The following S100A7 variants were observed in gnomAD, a reference collection of about 807,000 sequenced individuals.
S100A7 encodes protein S100-A7.
In S100A7, 2 loss-of-function variants were observed where a neutral mutation model predicts 3.8. The observed-to-expected ratio is 0.53, with a 90% confidence interval of 0.22 to 1.67. The LOEUF is 1.67. S100A7 is among the 40% of genes most tolerant of loss of function. The pLI, the probability that S100A7 is intolerant of heterozygous loss-of-function variation, is 0.20. For synonymous variants in S100A7, 55 were observed against 45.9 expected (o/e 1.20, Z -0.80); for missense variants, 130 against 126.3 (o/e 1.03, Z -0.14).
chr1:153,459,404 T>G (rs1315613468), intron 1 of S100A7, among the ~76,000 whole-genome samples: 1 of 152,078 alleles, frequency 6.6e-6, no homozygotes, highest in African/African-American at 2.4e-5. Flanking sequence ...ACCAAATCCA[T>G]CTCCTCCAGC....
intron 1 of S100A7, among the ~76,000 whole-genome samples, chr1:153,460,331 A>T (rs1571204307): frequency 6.6e-6 from 1 of 152,204 alleles, no homozygotes; most frequent in East Asian, 1.9e-4. Flanking sequence ...GGAAGAGGAC[A>T]GGGAGGGTCC....
chr1:153,460,407 G>C (rs536303766), intron 1 of S100A7, among the ~76,000 whole-genome samples: 1 of 152,324 alleles, frequency 6.6e-6, no homozygotes, highest in Non-Finnish European at 1.5e-5. Context: ...AGGAGCAATG[G>C]ACAGGTCTGG....
intron 1 of S100A7, 47 bp downstream of exon 1, chr1:153,460,561 A>T: frequency 1.3e-6 from 1 of 753,796 alleles, no homozygotes; most frequent in Non-Finnish European, 2.4e-6. Flanking sequence ...ATGGCAGGCC[A>T]GGCACTGGGC....
intron 1 of S100A7, among the ~76,000 whole-genome samples, chr1:153,459,377 C>A (rs1663768102): frequency 6.6e-6 from 1 of 152,118 alleles, no homozygotes; most frequent in African/African-American, 2.4e-5. Context: ...CATGGCAGAC[C>A]CCACTCTTAA....
At chr1:153,458,429 T>C (rs1299885390) in intron 2 of S100A7, among the ~76,000 whole-genome samples, 1 of 152,220 alleles carries the variant, frequency 6.6e-6, no homozygotes, top group African/African-American at 2.4e-5. Flanking sequence ...CTAGACCCTT[T>C]GGTACCTAGT....
At chr1:153,459,623 A>AG (rs1663778943) in intron 1 of S100A7, among the ~76,000 whole-genome samples, 1 of 152,160 alleles carries the variant, frequency 6.6e-6, no homozygotes, top group Non-Finnish European at 1.5e-5. Context: ...TCCCGAGCAC[A>AG]GGGGGCCCTT....
chr1:153,457,957 G>A lies in S100A7; in HGVS notation c.155C>T (p.Thr52Ile), dbSNP rs767744536. The A allele has an allele frequency of 2.1e-5, 34 of 1,613,896 alleles. No individual in the cohort carries two copies. The highest frequency in any genetic ancestry group is 1.3e-4 in the East Asian group (6 of 44,876). The change falls in exon 3 of 3, where the codon ACA becomes ATA. Residue 52 changes from threonine to isoleucine, a missense_variant. Physicochemically the swap from Thr to Ile is moderately conservative, Grantham distance 89 (BLOSUM62 -1). Transcript: ENST00000368723. ...CTCAAAGACATCGGCGAGGTAATTT[G>A]TGCCCTTTTTGTCCTGTGAAGAGAA... ...NFLSACDKKG[T>I]NYLADVFEKK... is the part of the protein sequence containing the mutation.
chr1:153,459,195 A>T (rs895207666), intron 1 of S100A7, among the ~76,000 whole-genome samples, 165 bp from the exon 2 acceptor site: 4 of 152,172 alleles, frequency 2.6e-5, no homozygotes, highest in Admixed American at 2.6e-4. Flanking sequence ...CAAAAATGAG[A>T]GGGTAGGACC....
chr1:153,459,095 C>T (rs908160819), intron 1 of S100A7, 65 bp from the exon 2 acceptor site: 2 of 1,564,314 alleles, frequency 1.3e-6, no homozygotes, highest in East Asian at 2.2e-5. Flanking sequence ...TTTGGGAGTG[C>T]TGGAAGGAGG....
chr1:153,459,218 T>C (rs187242269), intron 1 of S100A7, among the ~76,000 whole-genome samples, 188 bp from the exon 2 acceptor site: 19 of 152,282 alleles, frequency 1.2e-4, no homozygotes, highest in South Asian at 4.1e-4. Flanking sequence ...GTCTGAGACC[T>C]GGCCCATCCT....
Position 153,457,967 on chromosome 1 carries a change from T to C in S100A7, c.145A>G (p.Lys49Glu). The C allele has an allele frequency of 6.2e-7, 1 of 1,613,784 alleles. No homozygotes were observed. Among genetic ancestry groups the C allele is most frequent in the Non-Finnish European group, 8.5e-7 (1 of 1,179,790 alleles). Residue 49 changes from lysine to glutamate, a missense_variant, in exon 3 of 3, where the codon AAA becomes GAA. Coordinates refer to ENST00000368723, the MANE Select transcript of S100A7 (RefSeq NM_002963.4). ...NFPNFLSACD[K>E]KGTNYLADVF... ...TCGGCGAGGTAATTTGTGCCCTTTT[T>C]GTCCTGTGAAGAGAAAAACATACAA...
chr1:153,460,536 C>T, intron 1 of S100A7, 72 bp downstream of exon 1: 2 of 707,364 alleles, frequency 2.8e-6, no homozygotes. Context: ...AGCCCTTTCC[C>T]TTCCTACAGG....
chr1:153,457,760 A>C lies in S100A7; in HGVS notation c.*46T>G. 1 of 1,581,544 alleles carries C rather than the reference A, an allele frequency of 6.3e-7. No individual in the cohort carries two copies. Among genetic ancestry groups the C allele is most frequent in the Admixed American group, 1.9e-5 (1 of 53,872 alleles). On this transcript the variant is annotated 3_prime_UTR_variant, in exon 3 of 3. Coordinates refer to ENST00000368723, the MANE Select transcript of S100A7 (RefSeq NM_002963.4). Reference sequence around the variant, plus strand: ...AGGCAAGTGTCTGGTGGGAGAAGACATTTTATTGTTCCTGGGGTCTCTGGA... The same window carrying C: ...AGGCAAGTGTCTGGTGGGAGAAGACCTTTTATTGTTCCTGGGGTCTCTGGA...
chr1:153,458,785 A>ATT, intron 2 of S100A7, 88 bp downstream of exon 2: 1 of 1,500,568 alleles, frequency 6.7e-7, no homozygotes, highest in Non-Finnish European at 9.0e-7. Context: ...CAAATGGGAA[A>ATT]TTTTTTAATC....
rs545669812 is a variant in S100A7, at chr1:153,458,622, T to C, written c.141+251A>G. Among the ~76,000 whole-genome samples the C allele has an allele frequency of 9.0e-4, 137 of 152,158 alleles. 1 individual carries two copies. Among genetic ancestry groups the C allele is most frequent in the African/African-American group, 3.1e-3 (129 of 41,498 alleles). ...GTCTCACAGAGAGAGGGTCAGTGAG[T>C]GCTGGGAGGGGACTGTGCACTGCCC... On this transcript the variant is annotated intron_variant, in intron 2 of 2. Transcript: ENST00000368723.
Position 153,457,778 on chromosome 1 carries a change from T to A in S100A7, c.*28A>T, listed in dbSNP as rs757415872. On this transcript the variant is annotated 3_prime_UTR_variant, in exon 3 of 3. Coordinates refer to ENST00000368723, the MANE Select transcript of S100A7 (RefSeq NM_002963.4). ...AGAAGACATTTTATTGTTCCTGGGG[T>A]CTCTGGAGGCCCATTGGTGGGGCTG... The A allele has an allele frequency of 6.2e-7, 1 of 1,603,102 alleles. No homozygotes were observed. Among genetic ancestry groups the A allele is most frequent in the Admixed American group, 1.7e-5 (1 of 57,726 alleles).
chr1:153,458,901 T>C lies in S100A7; in HGVS notation c.113A>G (p.Glu38Gly). 6.2e-7 allele frequency: 1 copy of C among 1,613,954 alleles called. No individual in the cohort carries two copies. ...GGCACTAAGGAAGTTGGGGAAGTTC[T>C]CCTTCATCATCGTCAGCAGGCTTGG... ...EKPSLLTMMKENFPNFLSACD... is the reference protein window; with the variant it reads ...EKPSLLTMMKGNFPNFLSACD... Residue 38 changes from glutamate to glycine, a missense_variant, in exon 2 of 3, where the codon GAG becomes GGG. Glu to Gly is a moderately conservative substitution (Grantham distance 98). Coordinates refer to ENST00000368723, the MANE Select transcript of S100A7 (RefSeq NM_002963.4).
Position 153,459,009 on chromosome 1 carries a change from C to T in S100A7, c.5G>A (p.Ser2Asn), listed in dbSNP as rs180950924. The change falls in exon 2 of 3, where the codon AGC becomes AAC. Residue 2 changes from serine to asparagine, a missense_variant. Coordinates refer to ENST00000368723, the MANE Select transcript of S100A7 (RefSeq NM_002963.4). ...TATGGACCTCTCAGCTTGAGTGTTG[C>T]TCATCTTTGCTTTCAAAAAGCCTTC... M[S>N]NTQAERSIIG... 6.2e-7 allele frequency: 1 copy of T among 1,610,858 alleles called. No homozygotes were observed. The highest frequency in any genetic ancestry group is 1.7e-5 in the Admixed American group (1 of 59,162).
At position 153,457,788 on chromosome 1, in the gene S100A7, C is replaced by T. The variant is rs750480621; in HGVS notation, c.*18G>A. On this transcript the variant is annotated 3_prime_UTR_variant, in exon 3 of 3. Coordinates refer to ENST00000368723, the MANE Select transcript of S100A7 (RefSeq NM_002963.4). ...TTATTGTTCCTGGGGTCTCTGGAGGCCCATTGGTGGGGCTGGGTCACTGGC... is the reference window on the plus strand; with the variant it reads ...TTATTGTTCCTGGGGTCTCTGGAGGTCCATTGGTGGGGCTGGGTCACTGGC... The T allele has an allele frequency of 8.7e-6, 14 of 1,612,960 alleles. No individual in the cohort carries two copies. The East Asian group carries it at 1.6e-4, about 18-fold the overall frequency.
Sources: allele counts gnomAD v4.1 joint callset (sites outside exome capture counted in the v4.1 genomes callset), GRCh38; gene constraint gnomAD v4.1.1; transcripts MANE v1.5; gene names NCBI Gene and HGNC (gene_info 2026-07-23, HGNC 2026-07-21).